HDAC9: variants seen among roughly 807,000 people sequenced by gnomAD.
HDAC9 encodes histone deacetylase 9, also known as MEF-2 interacting transcription repressor (MITR) protein.
A neutral mutation model predicts 139.4 loss-of-function variants in HDAC9; 41 were observed. The observed-to-expected ratio is 0.29, with a 90% CI of 0.23 to 0.38. The LOEUF is 0.38. Ranked by LOEUF, HDAC9 falls within the 10% of genes least tolerant of loss-of-function variation. The probability of loss-of-function intolerance (pLI) is 1.00; values close to 1 mark genes in which losing one functional copy is unlikely to be tolerated. For synonymous variants in HDAC9, 517 were observed against 476.2 expected, an observed-to-expected ratio of 1.09 and a Z score of -1.12; for missense variants, 1,147 against 1,297.0, an observed-to-expected ratio of 0.88 and a Z score of 1.78.
At position 18,578,464 on chromosome 7, in the gene HDAC9, C is replaced by A. The variant is rs536385403; in HGVS notation, c.23-6817C>A. The stretch of plus-strand genomic sequence containing the variant: ...TTGCTCTGTAGGCCAGCCCTGGAGG[C>A]CCCTTCTCTGCAGAGGGTTAGAGGC... On this transcript the variant is annotated intron_variant, in intron 2 of 25. Coordinates refer to ENST00000686413, the MANE Select transcript of HDAC9 (RefSeq NM_178425.4). 1.2e-3 allele frequency among the ~76,000 whole-genome samples: 186 copies of A among 152,262 alleles called. 1 individual carries two copies. The highest frequency in any genetic ancestry group is 0.01 in the Middle Eastern group (3 of 294).
intron 22 of HDAC9, among the ~76,000 whole-genome samples, chr7:18,885,868 C>T (rs1341407709): frequency 2.6e-5 from 4 of 152,006 alleles, no homozygotes; most frequent in African/African-American, 7.3e-5. Flanking sequence ...TTCACAAGAA[C>T]GAATCAAGGA....
At chr7:18,619,231 C>A (rs918777524) in intron 6 of HDAC9, among the ~76,000 whole-genome samples, 1 of 152,118 alleles carries the variant, frequency 6.6e-6, no homozygotes, top group African/African-American at 2.4e-5. Context: ...ATCTATGAGA[C>A]CTCTTGCCAT....
At chr7:18,593,350 A>T (rs1220188170) in intron 5 of HDAC9, among the ~76,000 whole-genome samples, 1 of 152,026 alleles carries the variant, frequency 6.6e-6, no homozygotes, top group Non-Finnish European at 1.5e-5. Flanking sequence ...GAAAACATTT[A>T]AAAAAATTGG....
intron 2 of HDAC9, chr7:18,506,170 A>G (rs935935247): frequency 5.3e-5 from 8 of 152,230 alleles, no homozygotes; most frequent in African/African-American, 1.9e-4. Flanking sequence ...TTAAGGGGCA[A>G]TAATGTTGTT....
At chr7:18,492,379 T>A (rs1329984880), upstream of HDAC9, among the ~76,000 whole-genome samples, 3 of 151,984 alleles carry the variant, frequency 2.0e-5, no homozygotes, top group African/African-American at 2.4e-5. Context: ...ACAGGTTTTT[T>A]AATACTTTTT....
At chr7:18,602,262 A>C (rs187802885) in intron 6 of HDAC9, among the ~76,000 whole-genome samples, 1 of 151,942 alleles carries the variant, frequency 6.6e-6, no homozygotes, top group African/African-American at 2.4e-5. Context: ...ATATTGCTTT[A>C]TTATCCTTCT....
chr7:18,239,432 G>A (rs1303136089), intron 2 of HDAC9, among the ~76,000 whole-genome samples: 1 of 152,074 alleles, frequency 6.6e-6, no homozygotes, highest in East Asian at 1.9e-4. Flanking sequence ...AGTAGATGAA[G>A]GCTTTCAGTC....
At chr7:18,907,726 C>A (rs1213317051) in intron 22 of HDAC9, among the ~76,000 whole-genome samples, 1 of 152,074 alleles carries the variant, frequency 6.6e-6, no homozygotes, top group East Asian at 1.9e-4. Context: ...CACCAAAGGG[C>A]AAACTTGAGA....
intron 22 of HDAC9, among the ~76,000 whole-genome samples, chr7:18,911,036 T>G (rs1212625047): frequency 6.6e-6 from 1 of 151,950 alleles, no homozygotes; most frequent in African/African-American, 2.4e-5. Context: ...TTATTTATTC[T>G]TCCAGTATTT....
At chr7:18,766,512 T>G (rs1789844658) in intron 15 of HDAC9, among the ~76,000 whole-genome samples, 1 of 152,176 alleles carries the variant, frequency 6.6e-6, no homozygotes, top group African/African-American at 2.4e-5. Context: ...GTGTACTGTT[T>G]AAAAAATTGT....
At position 18,339,405 on chromosome 7, in the gene HDAC9, A is replaced by G. The variant is rs769820396; in HGVS notation, c.-42+48890A>G. ...TTTTCTACTATAGGCACTTAATGCT[A>G]TAAATTTTCCCCTAAGTTCTATTTT... On this transcript the variant is annotated intron_variant, in intron 1 of 3. Transcript: ENST00000413509. Among the ~76,000 whole-genome samples the G allele has an allele frequency of 5.7e-4, 86 of 151,416 alleles. 1 individual carries two copies. The highest frequency in any genetic ancestry group is 8.6e-4 in the Non-Finnish European group (58 of 67,606).
At chr7:18,637,427 A>C (rs1299470666) in intron 8 of HDAC9, among the ~76,000 whole-genome samples, 1 of 152,102 alleles carries the variant, frequency 6.6e-6, no homozygotes, top group Non-Finnish European at 1.5e-5. Context: ...CTTGGCACAA[A>C]TCATCTGTTT....
chr7:18,657,059 A>T (rs1214030979), intron 11 of HDAC9, among the ~76,000 whole-genome samples: 1 of 151,964 alleles, frequency 6.6e-6, no homozygotes, highest in Non-Finnish European at 1.5e-5. Context: ...ATTTTTTCAT[A>T]TGGTGTTGGC....
At chr7:18,820,217 T>C (rs1794859814) in intron 17 of HDAC9, among the ~76,000 whole-genome samples, 1 of 152,186 alleles carries the variant, frequency 6.6e-6, no homozygotes. Flanking sequence ...ACTAGTAGAT[T>C]TTCAAGTCCT....
intron 12 of HDAC9, among the ~76,000 whole-genome samples, chr7:18,706,160 C>CCTT (rs1783892263): frequency 1.8e-3 from 159 of 86,728 alleles, no homozygotes; most frequent in African/African-American, 5.7e-3. Context: ...GAAAGTTTTC[C>CCTT]TTTTTTTTTT....
chr7:18,460,770 A>G (rs900139042), intron 1 of HDAC9, among the ~76,000 whole-genome samples: 3 of 150,226 alleles, frequency 2.0e-5, no homozygotes, highest in African/African-American at 7.4e-5. Flanking sequence ...CCTGGACAAC[A>G]AGAGCAAAAC....
At chr7:18,570,655 C>G (rs10269572) in intron 2 of HDAC9, among the ~76,000 whole-genome samples, 24,844 of 151,968 alleles carry the variant, frequency 0.16, 2,184 homozygotes, top group Middle Eastern at 0.24. Flanking sequence ...GGGTGTGTGA[C>G]CTTGGCCAAG....
chr7:18,443,625 T>C (rs1469992167), intron 1 of HDAC9, among the ~76,000 whole-genome samples: 7 of 152,204 alleles, frequency 4.6e-5, no homozygotes, highest in African/African-American at 1.2e-4. Flanking sequence ...AGACATCTTA[T>C]ATATGAATAT....
intron 23 of HDAC9, among the ~76,000 whole-genome samples, chr7:18,944,214 T>C (rs941430266): frequency 1.3e-5 from 2 of 152,136 alleles, no homozygotes; most frequent in African/African-American, 4.8e-5. Flanking sequence ...CAGGTCTTCA[T>C]TACAATCTGC....
Sources: gnomAD v4.1 joint callset for allele counts (sites outside exome capture counted in the v4.1 genomes callset) on GRCh38, gnomAD v4.1.1 for gene constraint, MANE v1.5 for transcripts, NCBI Gene and HGNC (gene_info 2026-07-23, HGNC 2026-07-21) for gene names.